The following KCNQ5 variants were observed in gnomAD, a reference collection of about 807,000 sequenced individuals.
The protein encoded by KCNQ5 is potassium voltage-gated channel subfamily KQT member 5.
In KCNQ5, 30 loss-of-function variants were observed where a neutral mutation model predicts 98.2. The ratio of observed to expected loss-of-function variants is 0.31; its 90% CI spans 0.23 to 0.41. The LOEUF (loss-of-function observed/expected upper bound fraction) is 0.41. Ranked by LOEUF, KCNQ5 falls within the 10% of genes least tolerant of loss-of-function variation. The pLI is 1.00. For synonymous variants in KCNQ5, 458 were observed against 449.4 expected (o/e 1.02, Z -0.24); for missense variants, 835 against 1,182.5 (o/e 0.71, Z 4.31).
intron 1 of KCNQ5, among the ~76,000 whole-genome samples, chr6:72,783,419 G>GA (rs531938475): frequency 6.3e-4 from 96 of 151,724 alleles, no homozygotes; most frequent in South Asian, 2.9e-3. Flanking sequence ...TAACATGCTG[G>GA]AAAAAAAATA....
chr6:72,927,798 A>G (rs1463487807), intron 1 of KCNQ5, among the ~76,000 whole-genome samples: 1 of 152,076 alleles, frequency 6.6e-6, no homozygotes, highest in Non-Finnish European at 1.5e-5. Flanking sequence ...ATAAATTTGC[A>G]GTCATTTATA....
intron 10 of KCNQ5, among the ~76,000 whole-genome samples, chr6:73,139,439 T>G (rs1293727539): frequency 6.6e-6 from 1 of 152,166 alleles, no homozygotes; most frequent in African/African-American, 2.4e-5. Flanking sequence ...TAGTATAATA[T>G]TTGATATAGC....
At chr6:72,642,983 T>C (rs928633583) in intron 1 of KCNQ5, among the ~76,000 whole-genome samples, 2 of 152,160 alleles carry the variant, frequency 1.3e-5, no homozygotes, top group Non-Finnish European at 2.9e-5. Flanking sequence ...CTGGAGGCCA[T>C]CAACCTTAGC....
chr6:72,846,233 T>C (rs529574122), intron 1 of KCNQ5, among the ~76,000 whole-genome samples: 2 of 152,164 alleles, frequency 1.3e-5, no homozygotes, highest in South Asian at 4.1e-4. Context: ...AGTTTCAGAA[T>C]AGGTCCCCTG....
chr6:72,701,808 G>A (rs975581719), intron 1 of KCNQ5, among the ~76,000 whole-genome samples: 13 of 151,996 alleles, frequency 8.6e-5, no homozygotes, highest in African/African-American at 2.2e-4. Flanking sequence ...CCCATCTCTG[G>A]GGCTCAAGTG....
intron 1 of KCNQ5, among the ~76,000 whole-genome samples, chr6:72,628,783 T>C (rs1434003477): frequency 1.3e-5 from 2 of 152,092 alleles, no homozygotes; most frequent in Non-Finnish European, 2.9e-5. Context: ...CTAATTGTTT[T>C]TGTATTTTTA....
At chr6:72,738,336 A>G (rs1349762950) in intron 1 of KCNQ5, among the ~76,000 whole-genome samples, 4 of 152,106 alleles carry the variant, frequency 2.6e-5, no homozygotes, top group Admixed American at 6.5e-5. Flanking sequence ...GCTGCTTTCA[A>G]TTCCCAGAGA....
chr6:72,787,267 A>C (rs1266464271), intron 1 of KCNQ5, among the ~76,000 whole-genome samples: 1 of 152,166 alleles, frequency 6.6e-6, no homozygotes, highest in Admixed American at 6.5e-5. Flanking sequence ...TCTATAAATA[A>C]AGTTTTACTG....
At chr6:72,658,559 G>GATATATATATATATATATATATATATAT (rs1189137122) in intron 1 of KCNQ5, among the ~76,000 whole-genome samples, 3 of 88,432 alleles carry the variant, frequency 3.4e-5, no homozygotes, top group Non-Finnish European at 5.7e-5. Context: ...GGGATTAAAG[G>GATATATATATATATATATATATATATAT]ATATATATAT....
intron 2 of KCNQ5, among the ~76,000 whole-genome samples, chr6:73,027,728 A>G (rs1376445561): frequency 1.3e-5 from 2 of 152,208 alleles, no homozygotes; most frequent in Non-Finnish European, 2.9e-5. Flanking sequence ...ATCCTCTTTT[A>G]ATAAATAATA....
chr6:72,772,854 C>T (rs142590273), intron 1 of KCNQ5, among the ~76,000 whole-genome samples: 168 of 152,282 alleles, frequency 1.1e-3, no homozygotes, highest in African/African-American at 3.6e-3. Context: ...CTCCTAAGAA[C>T]TCTGAAGCTA....
chr6:73,058,355 G>T (rs1048841653), intron 3 of KCNQ5, among the ~76,000 whole-genome samples: 11 of 152,264 alleles, frequency 7.2e-5, no homozygotes, highest in African/African-American at 2.6e-4. Flanking sequence ...GGAGGCTGCA[G>T]TGAGCCGAGA....
chr6:72,924,611 G>T lies in KCNQ5; in HGVS notation c.399-79297G>T, dbSNP rs562179759. Among the ~76,000 whole-genome samples the T allele has an allele frequency of 3.9e-4, 60 of 152,214 alleles. 2 individuals carry two copies. The South Asian group carries it at 0.012, about 31-fold the overall frequency. Reference sequence around the variant, plus strand: ...ATTCATGCTCAGAGCTCTCACGCAGGTGGAAGACCCTTGCCTTCCCTTCCC... The same window carrying T: ...ATTCATGCTCAGAGCTCTCACGCAGTTGGAAGACCCTTGCCTTCCCTTCCC... On this transcript the variant is annotated intron_variant, in intron 1 of 13. Transcript: ENST00000370398.
At chr6:72,823,006 C>A (rs143423793) in intron 1 of KCNQ5, among the ~76,000 whole-genome samples, 33 of 152,196 alleles carry the variant, frequency 2.2e-4, no homozygotes, top group African/African-American at 7.9e-4. Context: ...TCACATTGGG[C>A]CCACCTTGAT....
At chr6:72,631,768 A>C (rs1022510757) in intron 1 of KCNQ5, among the ~76,000 whole-genome samples, 4 of 152,244 alleles carry the variant, frequency 2.6e-5, no homozygotes, top group African/African-American at 9.6e-5. Context: ...CACTAGCTAC[A>C]AGGAAATACA....
At position 73,098,903 on chromosome 6, in the gene KCNQ5, C is replaced by CA. The variant is rs574241238; in HGVS notation, c.919-6349dup. ...ATTATTTATATTTTAAGTAGAAAGA[C>CA]AAAAAGATGAACTTATCAAAAATAA... is the stretch of plus-strand genomic sequence containing the variant. On this transcript the variant is annotated intron_variant, in intron 5 of 13. Transcript: ENST00000370398. Among the ~76,000 whole-genome samples, 609 of 152,066 alleles carry CA rather than the reference C, an allele frequency of 4.0e-3. 3 individuals are homozygous for CA. The highest frequency in any genetic ancestry group is 0.013 in the African/African-American group (560 of 41,512).
chr6:73,018,073 A>T (rs1770430983), intron 2 of KCNQ5, among the ~76,000 whole-genome samples: 1 of 152,124 alleles, frequency 6.6e-6, no homozygotes, highest in Non-Finnish European at 1.5e-5. Context: ...AAATCCCAAC[A>T]TATTATGTTG....
At chr6:72,966,545 G>A (rs1266599029) in intron 1 of KCNQ5, among the ~76,000 whole-genome samples, 1 of 152,014 alleles carries the variant, frequency 6.6e-6, no homozygotes, top group Non-Finnish European at 1.5e-5. Context: ...TTCAGCCTCG[G>A]TGACAAGAGT....
intron 1 of KCNQ5, among the ~76,000 whole-genome samples, chr6:72,994,286 A>G (rs1769172360): frequency 2.0e-5 from 1 of 49,180 alleles, no homozygotes; most frequent in South Asian, 7.0e-4. Flanking sequence ...GTTTGATCTC[A>G]GACTGCTGTG....
Sources: allele counts gnomAD v4.1 joint callset (sites outside exome capture counted in the v4.1 genomes callset), GRCh38; gene constraint gnomAD v4.1.1; transcripts MANE v1.5; gene names NCBI Gene and HGNC (gene_info 2026-07-23, HGNC 2026-07-21).